CLNK: variants seen among roughly 807,000 people sequenced by gnomAD.
CLNK encodes cytokine dependent hematopoietic cell linker, also known as cytokine-dependent hematopoietic cell linker.
A neutral mutation model predicts 68.6 loss-of-function variants in CLNK; 74 were observed. The observed-to-expected ratio is 1.08, with a 90% CI of 0.89 to 1.31. The LOEUF (loss-of-function observed/expected upper bound fraction) is 1.31, where lower values mean the gene tolerates loss of function less well. CLNK is among the 50% of genes most tolerant of loss of function. The pLI, the probability that CLNK is intolerant of heterozygous loss-of-function variation, is 0.00. For synonymous variants in CLNK, 198 were observed against 172.2 expected (o/e 1.15, Z -1.17); for missense variants, 553 against 515.3 (o/e 1.07, Z -0.71).
At chr4:10,553,685 C>T (rs1310640857) in intron 8 of CLNK, among the ~76,000 whole-genome samples, 1 of 152,150 alleles carries the variant, frequency 6.6e-6, no homozygotes, top group Non-Finnish European at 1.5e-5. Flanking sequence ...AGCTCCTAAC[C>T]TCACGTGATC....
At chr4:10,615,810 A>G (rs1722207256) in intron 2 of CLNK, among the ~76,000 whole-genome samples, 1 of 152,228 alleles carries the variant, frequency 6.6e-6, no homozygotes, top group African/African-American at 2.4e-5. Context: ...CAACTAGTCA[A>G]TGGTAGTGTT....
chr4:10,699,764 T>G, the CLNK span, among the ~76,000 whole-genome samples: 1 of 151,818 alleles, frequency 6.6e-6, no homozygotes, highest in Middle Eastern at 3.4e-3. Flanking sequence ...TCCATCCGCC[T>G]CAGCCTCCCA....
chr4:10,607,498 G>C (rs1304097601), intron 2 of CLNK, among the ~76,000 whole-genome samples: 2 of 152,216 alleles, frequency 1.3e-5, no homozygotes, highest in East Asian at 1.9e-4. Context: ...ACCCTACTCA[G>C]AGATTGTAAT....
At chr4:10,611,291 C>T (rs1189163378) in intron 2 of CLNK, among the ~76,000 whole-genome samples, 1 of 152,068 alleles carries the variant, frequency 6.6e-6, no homozygotes, top group Non-Finnish European at 1.5e-5. Context: ...GCACTCCAGC[C>T]TGGTGACAGA....
chr4:10,643,249 C>G (rs1218424150), intron 2 of CLNK, among the ~76,000 whole-genome samples: 1 of 152,240 alleles, frequency 6.6e-6, no homozygotes, highest in Non-Finnish European at 1.5e-5. Context: ...TGACTTCACA[C>G]TCATGAGATA....
chr4:10,675,658 C>A (rs1577213825), intron 1 of CLNK, among the ~76,000 whole-genome samples: 2 of 152,114 alleles, frequency 1.3e-5, no homozygotes, highest in East Asian at 1.9e-4. Flanking sequence ...TTATTTATTC[C>A]TAGAAGATAA....
chr4:10,679,393 G>C lies in CLNK; in HGVS notation c.-43+5275C>G, dbSNP rs536445494. On this transcript the variant is annotated intron_variant, in intron 1 of 18. Coordinates refer to ENST00000226951, the MANE Select transcript of CLNK (RefSeq NM_052964.4). ...AGATGGATGAAAGACTTACATGTTA[G>C]ACCTAAAACCATAAAAACCCTAGAA... Among the ~76,000 whole-genome samples the C allele has an allele frequency of 4.4e-4, 67 of 152,272 alleles. 1 individual carries two copies. Among genetic ancestry groups the C allele is most frequent in the Admixed American group, 3.9e-3 (60 of 15,296 alleles).
intron 8 of CLNK, among the ~76,000 whole-genome samples, chr4:10,546,163 C>T (rs575643083): frequency 1.2e-4 from 19 of 152,306 alleles, no homozygotes; most frequent in African/African-American, 4.6e-4. Context: ...CTGGGATATA[C>T]CCTTGGTTTT....
intron 12 of CLNK, among the ~76,000 whole-genome samples, chr4:10,530,711 G>A (rs1395180132): frequency 2.0e-5 from 3 of 152,120 alleles, no homozygotes; most frequent in African/African-American, 4.8e-5. Flanking sequence ...TGCGGTCATC[G>A]TCATCGTGAG....
At chr4:10,650,599 A>G (rs535238848) in intron 2 of CLNK, among the ~76,000 whole-genome samples, 1 of 152,164 alleles carries the variant, frequency 6.6e-6, no homozygotes, top group Non-Finnish European at 1.5e-5. Context: ...AGTCTGAGAG[A>G]AAACAACTGT....
chr4:10,524,835 A>G (rs994365804), intron 14 of CLNK, among the ~76,000 whole-genome samples: 2 of 152,134 alleles, frequency 1.3e-5, no homozygotes. Context: ...GGCTACAGGC[A>G]GGAGAGTGGT....
chr4:10,596,674 G>A (rs1047280532), intron 3 of CLNK, among the ~76,000 whole-genome samples: 2 of 151,310 alleles, frequency 1.3e-5, no homozygotes, highest in Non-Finnish European at 2.9e-5. Flanking sequence ...GTATGTCTAT[G>A]TTTTTTTTTA....
chr4:10,664,114 C>G (rs1230988741), intron 2 of CLNK, among the ~76,000 whole-genome samples: 1 of 151,946 alleles, frequency 6.6e-6, no homozygotes, highest in Admixed American at 6.6e-5. Flanking sequence ...GTCATAGTTA[C>G]AAAGTCTGCT....
intron 2 of CLNK, among the ~76,000 whole-genome samples, chr4:10,603,166 CCTT>C: frequency 6.6e-6 from 1 of 152,346 alleles, no homozygotes; most frequent in Non-Finnish European, 1.5e-5. Flanking sequence ...TTTTCCAGAA[CCTT>C]CTCATTCTAT....
chr4:10,535,410 G>A (rs934409513), intron 11 of CLNK, among the ~76,000 whole-genome samples: 4 of 152,070 alleles, frequency 2.6e-5, no homozygotes, highest in African/African-American at 7.2e-5. Context: ...ATGAACCCTC[G>A]ATTTCTTAAT....
intron 4 of CLNK, among the ~76,000 whole-genome samples, chr4:10,583,924 G>C (rs944170979): frequency 6.6e-6 from 1 of 152,166 alleles, no homozygotes; most frequent in African/African-American, 2.4e-5. Flanking sequence ...TCATTCCCAG[G>C]TACCACCCCC....
chr4:10,709,084 A>C, the CLNK span, among the ~76,000 whole-genome samples: 4 of 152,192 alleles, frequency 2.6e-5, no homozygotes, highest in Admixed American at 2.6e-4. Flanking sequence ...CATATTAATA[A>C]GATTCTATGA....
At chr4:10,696,048 G>T in the CLNK span, among the ~76,000 whole-genome samples, 1 of 152,046 alleles carries the variant, frequency 6.6e-6, no homozygotes. Context: ...TAGAGATGGG[G>T]TTTCACCCTG....
chr4:10,714,683 GGTGTGT>G, the CLNK span, among the ~76,000 whole-genome samples: 441 of 148,576 alleles, frequency 3.0e-3, 2 homozygotes, highest in African/African-American at 8.0e-3. Flanking sequence ...CATTCATTGT[GGTGTGT>G]GTGTGTGTGT....
Sources: allele counts gnomAD v4.1 joint callset (sites outside exome capture counted in the v4.1 genomes callset), GRCh38; gene constraint gnomAD v4.1.1; transcripts MANE v1.5; gene names NCBI Gene and HGNC (gene_info 2026-07-23, HGNC 2026-07-21).